TULP4: variants seen among roughly 807,000 people sequenced by gnomAD.
TULP4 encodes the protein TUB like protein 4, also known as tubby-related protein 4.
In TULP4, 16 loss-of-function variants were observed where a neutral mutation model predicts 129.0. The ratio of observed to expected loss-of-function variants is 0.12; its 90% CI spans 0.08 to 0.19. The LOEUF is 0.19. TULP4 is among the 10% of genes least tolerant of loss of function. The pLI is 1.00. For synonymous variants in TULP4, 998 were observed against 854.0 expected (o/e 1.17, Z -2.94); for missense variants, 1,842 against 2,059.1 (o/e 0.89, Z 2.04).
intron 3 of TULP4, among the ~76,000 whole-genome samples, chr6:158,440,316 T>TC (rs1778860260): frequency 6.0e-5 from 2 of 33,396 alleles, no homozygotes; most frequent in Non-Finnish European, 1.1e-4. Context: ...AGTCCCTGTC[T>TC]CAAAAAAAAA....
At chr6:158,435,988 C>A (rs1778742732) in intron 3 of TULP4, among the ~76,000 whole-genome samples, 1 of 151,900 alleles carries the variant, frequency 6.6e-6, no homozygotes, top group African/African-American at 2.4e-5. Flanking sequence ...GATCTCGGCT[C>A]ACTGCAACCT....
chr6:158,408,561 G>A (rs1336439999), intron 1 of TULP4, among the ~76,000 whole-genome samples: 1 of 152,090 alleles, frequency 6.6e-6, no homozygotes, highest in African/African-American at 2.4e-5. Flanking sequence ...CTCCGTGAGG[G>A]GTGTGCTACC....
chr6:158,488,269 G>T (rs1278080650), intron 8 of TULP4, among the ~76,000 whole-genome samples: 1 of 152,168 alleles, frequency 6.6e-6, no homozygotes, highest in Admixed American at 6.5e-5. Context: ...AGGCTTGCAT[G>T]CATGCTTGAG....
intron 5 of TULP4, among the ~76,000 whole-genome samples, chr6:158,456,851 T>C (rs954723947): frequency 6.9e-6 from 1 of 144,246 alleles, no homozygotes; most frequent in Non-Finnish European, 1.5e-5. Flanking sequence ...AAAAAAAAAA[T>C]GTTCAGTGTA....
intron 8 of TULP4, among the ~76,000 whole-genome samples, chr6:158,487,185 G>A (rs1171333829): frequency 8.8e-6 from 1 of 113,956 alleles, no homozygotes. Context: ...GGCTGAGGCA[G>A]GAGATGGAGG....
chr6:158,430,832 A>C (rs1009978300), intron 3 of TULP4, among the ~76,000 whole-genome samples: 2 of 152,364 alleles, frequency 1.3e-5, no homozygotes, highest in Middle Eastern at 6.8e-3. Flanking sequence ...AGCAGAATAC[A>C]TATAATGCCA....
chr6:158,252,856 C>T (rs1778169413), intron 1 of TULP4, among the ~76,000 whole-genome samples: 1 of 152,094 alleles, frequency 6.6e-6, no homozygotes, highest in South Asian at 2.1e-4. Context: ...TCCAGGTTAC[C>T]ACATTGGATT....
intron 1 of TULP4, among the ~76,000 whole-genome samples, chr6:158,320,796 T>C (rs972213570): frequency 1.9e-4 from 29 of 152,148 alleles, no homozygotes; most frequent in Admixed American, 1.5e-3. Context: ...TTCGTTTTGT[T>C]ATAAGGACAC....
At position 158,503,429 on chromosome 6, in the gene TULP4, C is replaced by T. The variant is rs769055843; in HGVS notation, c.3766C>T (p.Pro1256Ser). The T allele has an allele frequency of 3.7e-6, 6 of 1,614,024 alleles. No individual in the cohort carries two copies. In the Admixed American group the frequency reaches 6.7e-5, roughly 18 times the overall value. ...GSSTCSSLQL[P>S]PVALHPWSSY... ...CAGCACGTGCTCTAGTTTACAGCTG[C>T]CACCTGTCGCCTTGCATCCATGGAG... is the stretch of plus-strand genomic sequence containing the variant. Residue 1256 changes from proline (P) to serine (S), a missense_variant, in exon 13 of 14, where the codon CCA (proline) becomes TCA (serine). By Grantham distance (74) the Pro-to-Ser change is moderately conservative (BLOSUM62 -1). Transcript: ENST00000367097. This position sits in a 1 kb window ranked among gnomAD's most constrained non-coding sequence, Gnocchi z 4.3.
intron 1 of TULP4, among the ~76,000 whole-genome samples, chr6:158,349,087 T>C (rs1204836226): frequency 2.3e-4 from 19 of 83,886 alleles, no homozygotes; most frequent in South Asian, 9.8e-4. Flanking sequence ...CGCTCCTCAC[T>C]TCCCAGATGG....
At chr6:158,325,640 C>T (rs954334856) in intron 1 of TULP4, among the ~76,000 whole-genome samples, 4 of 152,078 alleles carry the variant, frequency 2.6e-5, no homozygotes, top group Non-Finnish European at 5.9e-5. Flanking sequence ...CGTGAGCCAC[C>T]GCGCCCAGCC....
At chr6:158,397,505 T>C (rs1777744624) in intron 1 of TULP4, among the ~76,000 whole-genome samples, 1 of 152,146 alleles carries the variant, frequency 6.6e-6, no homozygotes, top group South Asian at 2.1e-4. Flanking sequence ...TCTTAAAACA[T>C]TGAGTTTTTT....
intron 1 of TULP4, among the ~76,000 whole-genome samples, chr6:158,315,204 T>C (rs1755351646): frequency 6.6e-6 from 1 of 152,146 alleles, no homozygotes; most frequent in African/African-American, 2.4e-5. Context: ...ATAGACAGGG[T>C]GGCTTATAAA....
chr6:158,345,887 C>T (rs766315355), intron 1 of TULP4, among the ~76,000 whole-genome samples: 6 of 152,108 alleles, frequency 3.9e-5, no homozygotes, highest in South Asian at 2.1e-4. Flanking sequence ...ATGTCAACCG[C>T]GTAAGACAGA....
intron 6 of TULP4, among the ~76,000 whole-genome samples, chr6:158,477,410 T>C (rs771829298): frequency 6.6e-6 from 1 of 152,118 alleles, no homozygotes; most frequent in Non-Finnish European, 1.5e-5. Context: ...GTTGTGCTCA[T>C]TGAAAACTGT....
intron 1 of TULP4, among the ~76,000 whole-genome samples, chr6:158,384,539 C>T (rs940170793): frequency 1.3e-5 from 2 of 152,224 alleles, no homozygotes; most frequent in Non-Finnish European, 2.9e-5. Context: ...CCACCCTCCT[C>T]AGCCTCCCAA....
chr6:158,501,391 G>T (rs1235730976), intron 12 of TULP4, among the ~76,000 whole-genome samples: 1 of 152,196 alleles, frequency 6.6e-6, no homozygotes, highest in East Asian at 1.9e-4. Flanking sequence ...TTAATTATCT[G>T]TGATGGTGCC....
chr6:158,233,576 G>C (rs1777637368), intron 1 of TULP4, among the ~76,000 whole-genome samples: 1 of 152,200 alleles, frequency 6.6e-6, no homozygotes, highest in South Asian at 2.1e-4. Context: ...GATTGCTGGG[G>C]TGTGAGGTTG....
intron 1 of TULP4, among the ~76,000 whole-genome samples, chr6:158,374,452 GTCT>G (rs1249748780): frequency 6.6e-6 from 1 of 152,168 alleles, no homozygotes; most frequent in Non-Finnish European, 1.5e-5. Flanking sequence ...TACTTCTTTA[GTCT>G]TCTTTTGTAT....
Sources: gnomAD v4.1 joint callset for allele counts (sites outside exome capture counted in the v4.1 genomes callset) on GRCh38, gnomAD v4.1.1 for gene constraint, Gnocchi (gnomAD v3.1) non-coding constraint, MANE v1.5 for transcripts, NCBI Gene and HGNC (gene_info 2026-07-23, HGNC 2026-07-21) for gene names.